The following AMPH variants were observed in gnomAD, a reference collection of about 807,000 sequenced individuals.
The protein encoded by AMPH is amphiphysin (Stiff-Mann syndrome with breast cancer 128kD autoantigen).
A neutral mutation model predicts 99.1 loss-of-function variants in AMPH; 49 were observed. The observed-to-expected ratio is 0.49, with a 90% confidence interval of 0.39 to 0.63. AMPH has a LOEUF of 0.63. Ranked by LOEUF, AMPH falls within the 20% of genes least tolerant of loss-of-function variation. The pLI is 0.00. For missense variants in AMPH, 759 were observed against 863.4 expected (o/e 0.88, Z 1.52); for synonymous variants, 314 against 317.3 (o/e 0.99, Z 0.11).
In AMPH at chr7:38,390,495, C is replaced by T. The variant is rs534542655; in HGVS notation, c.1879-590G>A. 6.6e-5 allele frequency among the ~76,000 whole-genome samples: 10 copies of T among 152,318 alleles called. 1 individual carries two copies. In the South Asian group the frequency reaches 2.1e-3, roughly 32 times the overall value. ...ACATAATGAACCCCTATGCGTCTGT[C>T]ACCCAGTCTGAATCACTCTACTGTC... On this transcript the variant is annotated intron_variant, in intron 19 of 20. Transcript: ENST00000356264.
intron 15 of AMPH, among the ~76,000 whole-genome samples, chr7:38,424,615 G>A (rs1785716193): frequency 6.6e-6 from 1 of 151,580 alleles, no homozygotes; most frequent in African/African-American, 2.4e-5. Flanking sequence ...ATATGAAAAA[G>A]AGAAGTGTTA....
At chr7:38,503,732 T>TTAG in intron 2 of AMPH, 28 bp from the exon 3 acceptor site, 1 of 1,607,386 alleles carries the variant, frequency 6.2e-7, no homozygotes, top group Non-Finnish European at 8.5e-7. Flanking sequence ...AGATGCTAAA[T>TTAG]ATCTAGTCTA....
At chr7:38,490,248 T>C (rs756246306) in intron 5 of AMPH, among the ~76,000 whole-genome samples, 1 of 152,194 alleles carries the variant, frequency 6.6e-6, no homozygotes, top group Non-Finnish European at 1.5e-5. Context: ...AACTACTTAG[T>C]AAAGCACTTT....
intron 2 of AMPH, among the ~76,000 whole-genome samples, chr7:38,507,196 CAG>C (rs1400584388): frequency 6.6e-6 from 1 of 151,158 alleles, no homozygotes; most frequent in Non-Finnish European, 1.5e-5. Flanking sequence ...GGAAACACTG[CAG>C]AGTTTTTTTT....
chr7:38,403,732 T>A (rs71548610), intron 17 of AMPH, among the ~76,000 whole-genome samples: 3 of 152,142 alleles, frequency 2.0e-5, no homozygotes, highest in African/African-American at 7.2e-5. Context: ...ATGGTGCTGA[T>A]TTCTGAAAGG....
intron 7 of AMPH, among the ~76,000 whole-genome samples, chr7:38,472,029 A>T (rs964525852): frequency 5.3e-5 from 8 of 152,120 alleles, no homozygotes; most frequent in Non-Finnish European, 1.0e-4. Flanking sequence ...ATGGTGGGAG[A>T]CTTCAATATC....
At chr7:38,541,649 G>A (rs1013874601) in intron 1 of AMPH, among the ~76,000 whole-genome samples, 6 of 152,176 alleles carry the variant, frequency 3.9e-5, no homozygotes, top group African/African-American at 1.4e-4. Context: ...AAACACTTCT[G>A]GGAAAGTAAA....
Position 38,610,781 on chromosome 7 carries a change from T to A in AMPH, c.69+20502A>T, listed in dbSNP as rs1172658445. On this transcript the variant is annotated intron_variant, in intron 1 of 20. Coordinates refer to ENST00000356264, the MANE Select transcript of AMPH (RefSeq NM_001635.4). Reference sequence around the variant, plus strand: ...ATAAATAAAAAGGAATGTAAAACATTTAGTAACATAGCAAACAAAAAAAAT... The same window carrying A: ...ATAAATAAAAAGGAATGTAAAACATATAGTAACATAGCAAACAAAAAAAAT... Among the ~76,000 whole-genome samples the A allele has an allele frequency of 2.0e-5, 3 of 152,154 alleles. No homozygotes were observed. In the South Asian group the frequency reaches 6.2e-4, roughly 31 times the overall value.
intron 20 of AMPH, among the ~76,000 whole-genome samples, chr7:38,388,434 T>A (rs1331526551): frequency 6.6e-6 from 1 of 152,092 alleles, no homozygotes; most frequent in African/African-American, 2.4e-5. Context: ...ATCAATTTTA[T>A]CTGTTATAGT....
intron 15 of AMPH, among the ~76,000 whole-genome samples, chr7:38,425,661 G>C (rs916218874): frequency 1.3e-5 from 2 of 152,118 alleles, no homozygotes; most frequent in African/African-American, 2.4e-5. Flanking sequence ...GTGGGTAGGA[G>C]GTGGAAAATA....
intron 1 of AMPH, among the ~76,000 whole-genome samples, chr7:38,552,586 A>G (rs920478882): frequency 1.3e-5 from 2 of 152,112 alleles, no homozygotes; most frequent in Admixed American, 6.5e-5. Flanking sequence ...TGCATCTCCA[A>G]TCAGGGTCCT....
At chr7:38,579,009 G>C (rs1385514239) in intron 1 of AMPH, among the ~76,000 whole-genome samples, 1 of 152,180 alleles carries the variant, frequency 6.6e-6, no homozygotes, top group Admixed American at 6.5e-5. Flanking sequence ...GAGAATGAGA[G>C]TGATGAAAGC....
At position 38,544,567 on chromosome 7, in the gene AMPH, G is replaced by A. The variant is rs150209443; in HGVS notation, c.70-9556C>T. ...AGGAAGGGTCTCCTGGTTTCTGTAA[G>A]GTGAAGAACCACTGAATTTTAAGAG... On this transcript the variant is annotated intron_variant, in intron 1 of 20. Coordinates refer to ENST00000356264, the MANE Select transcript of AMPH (RefSeq NM_001635.4). Among the ~76,000 whole-genome samples, 536 of 152,280 alleles carry A rather than the reference G, an allele frequency of 3.5e-3. 4 individuals carry two copies. The highest frequency in any genetic ancestry group is 0.012 in the African/African-American group (514 of 41,548).
At chr7:38,606,655 T>C (rs55773468) in intron 1 of AMPH, among the ~76,000 whole-genome samples, 10,760 of 149,626 alleles carry the variant, frequency 0.072, 642 homozygotes, top group African/African-American at 0.14. Flanking sequence ...TCATTACAGC[T>C]TCAAATTCCT....
intron 13 of AMPH, among the ~76,000 whole-genome samples, chr7:38,431,395 C>T (rs574626042): frequency 3.4e-4 from 52 of 152,298 alleles, no homozygotes; most frequent in African/African-American, 1.1e-3. Flanking sequence ...CAGTGGCTCA[C>T]ACCTGTAATC....
chr7:38,462,820 T>A (rs750887587), intron 10 of AMPH, among the ~76,000 whole-genome samples, 155 bp downstream of exon 10: 6 of 152,190 alleles, frequency 3.9e-5, no homozygotes, highest in Non-Finnish European at 7.4e-5. Flanking sequence ...AGCAGGTGGA[T>A]ACCTTCATGA....
intron 5 of AMPH, among the ~76,000 whole-genome samples, chr7:38,478,893 A>T (rs1788185318): frequency 2.0e-5 from 3 of 152,164 alleles, no homozygotes; most frequent in African/African-American, 2.4e-5. Flanking sequence ...GTACTTGAAG[A>T]CAGGTCACAA....
intron 1 of AMPH, among the ~76,000 whole-genome samples, 173 bp downstream of exon 1, chr7:38,631,110 G>T (rs1324310247): frequency 6.6e-6 from 1 of 151,884 alleles, no homozygotes; most frequent in Non-Finnish European, 1.5e-5. Context: ...CCCGGGTCGC[G>T]CCTTGCGGCA....
chr7:38,517,131 T>C (rs1789777397), intron 2 of AMPH, among the ~76,000 whole-genome samples: 1 of 152,198 alleles, frequency 6.6e-6, no homozygotes. Context: ...GAGTTAAGAC[T>C]TGGGGGACTG....
Sources: allele counts gnomAD v4.1 joint callset (sites outside exome capture counted in the v4.1 genomes callset), GRCh38; gene constraint gnomAD v4.1.1; transcripts MANE v1.5; gene names NCBI Gene and HGNC (gene_info 2026-07-23, HGNC 2026-07-21).